MYO18B: variants seen among roughly 807,000 people sequenced by gnomAD.
The protein encoded by MYO18B is unconventional myosin-XVIIIb.
A neutral mutation model predicts 273.0 loss-of-function variants in MYO18B; 204 were observed. That is an observed-to-expected ratio of 0.75 (90% CI 0.67 to 0.84). The LOEUF (loss-of-function observed/expected upper bound fraction) is 0.84. Ranked by LOEUF, MYO18B falls within the 40% of genes least tolerant of loss-of-function variation. The pLI is 0.00. For synonymous variants in MYO18B, 1,330 were observed against 1,305.7 expected (o/e 1.02, Z -0.40); for missense variants, 3,212 against 3,287.6 (o/e 0.98, Z 0.56).
intron 1 of MYO18B, among the ~76,000 whole-genome samples, chr22:25,760,664 T>C (rs1165574851): frequency 6.6e-6 from 1 of 152,226 alleles, no homozygotes; most frequent in African/African-American, 2.4e-5. Flanking sequence ...ATTATAACTT[T>C]TAAATCTTGA....
At position 25,910,979 on chromosome 22, in the gene MYO18B, T is replaced by A. The variant is rs970578023; in HGVS notation, c.5293T>A (p.Tyr1765Asn). ...GCTGGAAATGCAGCTGGAGCAAGAG[T>A]ATGAAGAGAAGCAGATGGTCCTCCA... is the stretch of plus-strand genomic sequence containing the variant. ...HQLEMQLEQE[Y>N]EEKQMVLHEK... The change falls in exon 33 of 44, where the codon TAT becomes AAT. Residue 1765 changes from tyrosine to asparagine, a missense_variant. Transcript: ENST00000335473. The A allele has an allele frequency of 1.2e-6, 2 of 1,602,318 alleles. No homozygotes were observed. The highest frequency in any genetic ancestry group is 8.5e-7 in the Non-Finnish European group (1 of 1,174,632).
downstream of MYO18B, among the ~76,000 whole-genome samples, chr22:26,034,853 C>G (rs368663084): frequency 7.9e-5 from 12 of 152,336 alleles, no homozygotes; most frequent in East Asian, 1.9e-3. Flanking sequence ...AATAGCAAAG[C>G]TGAGTTTAGA....
intron 1 of MYO18B, among the ~76,000 whole-genome samples, chr22:25,753,219 C>G (rs1202456747): frequency 2.3e-5 from 3 of 130,892 alleles, no homozygotes; most frequent in Non-Finnish European, 3.3e-5. Flanking sequence ...GCTGGCCTCC[C>G]GGTCGGCAGG....
Position 26,026,780 on chromosome 22 carries a change from C to T in MYO18B, c.6806C>T (p.Thr2269Met), listed in dbSNP as rs201327023. Residue 2269 changes from threonine to methionine, a missense_variant, in exon 43 of 44, where the codon ACG (threonine) becomes ATG (methionine). Coordinates refer to ENST00000335473, the MANE Select transcript of MYO18B (RefSeq NM_032608.7). The part of the protein sequence containing the change: ...RKRAQRGQGS[T>M]LGLEDWPTLP... ...AGAGCCCAGAGAGGCCAGGGGTCCA[C>T]GCTGGGCCTAGAGGACTGGCCCACT... The T allele has an allele frequency of 3.3e-5, 53 of 1,607,186 alleles. No individual in the cohort carries two copies. In the African/African-American group the frequency reaches 5.1e-4, roughly 15 times the overall value.
chr22:25,762,736 G>A (rs73879529), intron 2 of MYO18B, among the ~76,000 whole-genome samples: 4,108 of 152,378 alleles, frequency 0.027, 192 homozygotes, highest in African/African-American at 0.093. Context: ...AGTCATGGCT[G>A]TAAGCCCTTC....
intron 40 of MYO18B, 27 bp from the exon 41 acceptor site, chr22:26,003,238 C>T: frequency 3.1e-6 from 5 of 1,599,884 alleles, no homozygotes; most frequent in Non-Finnish European, 4.3e-6. Context: ...ACGAGGATAA[C>T]ACACTCTTTC....
chr22:26,026,678 C>T lies in MYO18B; in HGVS notation c.6704C>T (p.Thr2235Ile). Residue 2235 changes from threonine to isoleucine, a missense_variant, in exon 43 of 44, where the codon ACA (threonine) becomes ATA (isoleucine). By Grantham distance (89) the Thr-to-Ile change is moderately conservative. Coordinates refer to ENST00000335473, the MANE Select transcript of MYO18B (RefSeq NM_032608.7). ...SSPLASRSTN[T>I]SPLSREKLPS... Reference sequence around the variant, plus strand: ...CCCCTGGCTTCTCGGAGTACAAATACATCCCCGCTGTCGAGGGAAAAGCTG... The same window carrying T: ...CCCCTGGCTTCTCGGAGTACAAATATATCCCCGCTGTCGAGGGAAAAGCTG... The T allele has an allele frequency of 6.2e-7, 1 of 1,613,908 alleles. No individual in the cohort carries two copies. Among genetic ancestry groups the T allele is most frequent in the East Asian group, 2.2e-5 (1 of 44,866 alleles).
intron 6 of MYO18B, among the ~76,000 whole-genome samples, 200 bp from the exon 7 acceptor site, chr22:25,772,134 G>C (rs1288446646): frequency 6.6e-6 from 1 of 152,228 alleles, no homozygotes; most frequent in Non-Finnish European, 1.5e-5. Flanking sequence ...GTTGCACAGA[G>C]GGCAAGGAGA....
intron 40 of MYO18B, among the ~76,000 whole-genome samples, chr22:26,002,204 C>T (rs1280572270): frequency 1.3e-5 from 2 of 152,128 alleles, no homozygotes; most frequent in Non-Finnish European, 2.9e-5. Flanking sequence ...CTTTGTTGCA[C>T]TACTATTATG....
At chr22:25,781,336 G>A (rs6519624) in intron 9 of MYO18B, among the ~76,000 whole-genome samples, 81,882 of 151,998 alleles carry the variant, frequency 0.54, 22,774 homozygotes, top group East Asian at 0.62. Context: ...GAGGCTGGGC[G>A]TGGTGGCTCA....
At chr22:25,816,156 A>G (rs565071688) in intron 12 of MYO18B, among the ~76,000 whole-genome samples, 1 of 152,312 alleles carries the variant, frequency 6.6e-6, no homozygotes, top group East Asian at 1.9e-4. Context: ...GTTCTCAAAA[A>G]TAGAACTTTT....
chr22:25,963,687 G>A (rs1412176890), intron 39 of MYO18B, among the ~76,000 whole-genome samples: 4 of 151,426 alleles, frequency 2.6e-5, no homozygotes, highest in Non-Finnish European at 4.4e-5. Context: ...CATTGCGCTT[G>A]GAGTCTGATA....
chr22:25,940,980 G>C (rs1034171905), intron 34 of MYO18B, among the ~76,000 whole-genome samples: 2 of 152,106 alleles, frequency 1.3e-5, no homozygotes, highest in East Asian at 1.9e-4. Context: ...TGGGGAAGCC[G>C]GGCTGATTTA....
chr22:25,938,714 A>G (rs1347588426), intron 34 of MYO18B, among the ~76,000 whole-genome samples: 3 of 152,258 alleles, frequency 2.0e-5, no homozygotes, highest in Admixed American at 6.5e-5. Context: ...GTAAGGATCC[A>G]TACACAGAAC....
chr22:25,893,035 C>T (rs1601494231), intron 27 of MYO18B, among the ~76,000 whole-genome samples: 1 of 152,258 alleles, frequency 6.6e-6, no homozygotes, highest in South Asian at 2.1e-4. Flanking sequence ...GCTCTGGATG[C>T]TCATTCCAAG....
At chr22:25,959,220 C>T (rs1002056210) in intron 39 of MYO18B, 3 of 152,026 alleles carry the variant, frequency 2.0e-5, no homozygotes, top group Admixed American at 6.5e-5. Context: ...ACTGTCACCA[C>T]CACAAGTCCA....
intron 8 of MYO18B, among the ~76,000 whole-genome samples, chr22:25,779,596 C>T (rs900686680): frequency 3.9e-5 from 6 of 152,184 alleles, no homozygotes; most frequent in Admixed American, 1.3e-4. Flanking sequence ...CAGGCTGTAT[C>T]GAGGTGCTTA....
chr22:25,884,178 G>A (rs544759734), intron 25 of MYO18B, among the ~76,000 whole-genome samples: 4 of 152,328 alleles, frequency 2.6e-5, no homozygotes, highest in Admixed American at 2.0e-4. Context: ...GCAGATGTAT[G>A]TAGGTCAGAA....
At chr22:26,060,789 CAT>C in the MYO18B span, among the ~76,000 whole-genome samples, 6 of 117,234 alleles carry the variant, frequency 5.1e-5, no homozygotes, top group South Asian at 4.7e-4. Flanking sequence ...TACATATACA[CAT>C]ATGCACATAT....
Sources: allele counts gnomAD v4.1 joint callset (sites outside exome capture counted in the v4.1 genomes callset), GRCh38; gene constraint gnomAD v4.1.1; transcripts MANE v1.5; gene names NCBI Gene and HGNC (gene_info 2026-07-23, HGNC 2026-07-21).